The following RABGAP1L variants were observed in gnomAD, a reference collection of about 807,000 sequenced individuals.
RABGAP1L encodes the protein rab GTPase-activating protein 1-like.
Under a neutral mutation model 137.7 loss-of-function variants are expected in RABGAP1L, and 63 were observed. The ratio of observed to expected loss-of-function variants is 0.46; its 90% CI spans 0.37 to 0.56. The LOEUF (loss-of-function observed/expected upper bound fraction) is 0.56. RABGAP1L is among the 20% of genes least tolerant of loss of function. RABGAP1L has a pLI of 0.00. For missense variants in RABGAP1L, 1,095 were observed against 1,244.0 expected, an observed-to-expected ratio of 0.88 and a Z score of 1.80; for synonymous variants, 431 against 433.7, an observed-to-expected ratio of 0.99 and a Z score of 0.08.
intron 10 of RABGAP1L, among the ~76,000 whole-genome samples, chr1:174,288,840 T>C (rs560338352): frequency 1.3e-5 from 2 of 152,292 alleles, no homozygotes; most frequent in South Asian, 2.1e-4. Flanking sequence ...GGAATGCTTA[T>C]GTTGTTTTGC....
chr1:174,547,777 C>T (rs1666138193), intron 13 of RABGAP1L: 5 of 1,344,542 alleles, frequency 3.7e-6, no homozygotes, highest in Non-Finnish European at 5.1e-6. Context: ...ACGTTAGATG[C>T]ATCAGTTTAT....
At chr1:174,789,518 TATA>T (rs1208765940) in intron 18 of RABGAP1L, among the ~76,000 whole-genome samples, 1 of 152,160 alleles carries the variant, frequency 6.6e-6, no homozygotes, top group Admixed American at 6.5e-5. Flanking sequence ...CATAAGAATG[TATA>T]ATAACTGAGA....
chr1:174,629,233 A>G (rs1673141525), intron 13 of RABGAP1L, among the ~76,000 whole-genome samples: 1 of 152,216 alleles, frequency 6.6e-6, no homozygotes, highest in African/African-American at 2.4e-5. Context: ...GTTATGGGTA[A>G]TTGGAAGGTG....
chr1:174,507,978 G>C (rs1661986218), intron 13 of RABGAP1L, among the ~76,000 whole-genome samples: 1 of 152,038 alleles, frequency 6.6e-6, no homozygotes, highest in South Asian at 2.1e-4. Flanking sequence ...TAATATGAAT[G>C]GATTTTCACT....
At chr1:174,387,614 G>T (rs1175062736) in intron 12 of RABGAP1L, among the ~76,000 whole-genome samples, 1 of 151,640 alleles carries the variant, frequency 6.6e-6, no homozygotes, top group African/African-American at 2.4e-5. Context: ...AAATTGGGAA[G>T]TAATTGCATG....
chr1:174,204,929 TTC>T (rs1668402259), intron 1 of RABGAP1L, among the ~76,000 whole-genome samples: 1 of 152,212 alleles, frequency 6.6e-6, no homozygotes, highest in African/African-American at 2.4e-5. Context: ...CAGCCATGCT[TTC>T]TGTACAGCCT....
At chr1:174,674,509 C>T (rs898371944) in intron 14 of RABGAP1L, among the ~76,000 whole-genome samples, 1 of 150,978 alleles carries the variant, frequency 6.6e-6, no homozygotes, top group African/African-American at 2.4e-5. Context: ...TGGGTTGGTT[C>T]CAAGTCTTTG....
intron 13 of RABGAP1L, among the ~76,000 whole-genome samples, chr1:174,484,438 T>G (rs1558273067): frequency 6.6e-6 from 1 of 152,224 alleles, no homozygotes; most frequent in Non-Finnish European, 1.5e-5. Context: ...TTTGCTTTGG[T>G]TGCCTGTGCT....
At chr1:174,829,290 T>C (rs1691873893) in intron 19 of RABGAP1L, among the ~76,000 whole-genome samples, 4 of 148,586 alleles carry the variant, frequency 2.7e-5, no homozygotes, top group Admixed American at 2.7e-4. Flanking sequence ...AATCCTCAAA[T>C]GTTACACTGA....
At chr1:174,231,383 C>T (rs760069221) in intron 4 of RABGAP1L, 28 bp downstream of exon 4, 1 of 1,586,848 alleles carries the variant, frequency 6.3e-7, no homozygotes, top group East Asian at 2.2e-5. Flanking sequence ...TTTCTTTAGA[C>T]ACATATTAAG....
chr1:174,927,193 T>C (rs926782777), intron 19 of RABGAP1L, among the ~76,000 whole-genome samples: 8 of 152,182 alleles, frequency 5.3e-5, no homozygotes, highest in African/African-American at 1.9e-4. Flanking sequence ...TTCAGATTGA[T>C]CATTTATGTT....
chr1:174,289,635 G>A (rs1676393609), intron 10 of RABGAP1L, among the ~76,000 whole-genome samples: 1 of 152,162 alleles, frequency 6.6e-6, no homozygotes, highest in South Asian at 2.1e-4. Context: ...CTTTGGCAAG[G>A]AAAGATCTTT....
At chr1:174,453,998 C>T (rs1427999775) in intron 13 of RABGAP1L, among the ~76,000 whole-genome samples, 1 of 152,124 alleles carries the variant, frequency 6.6e-6, no homozygotes, top group Admixed American at 6.6e-5. Context: ...GGCGCGGTGG[C>T]TCACACCCGT....
chr1:174,422,060 C>T (rs572007037), intron 13 of RABGAP1L, among the ~76,000 whole-genome samples: 11 of 152,242 alleles, frequency 7.2e-5, no homozygotes, highest in Non-Finnish European at 1.3e-4. Context: ...TGAGCCAACA[C>T]GCCCAGCCTC....
chr1:174,454,035 C>T (rs372064815), intron 13 of RABGAP1L, among the ~76,000 whole-genome samples: 2 of 152,026 alleles, frequency 1.3e-5, no homozygotes, highest in Non-Finnish European at 2.9e-5. Flanking sequence ...GAGGCCGAGG[C>T]GGGCAGATCA....
chr1:174,191,303 C>T (rs945270084), intron 1 of RABGAP1L, among the ~76,000 whole-genome samples: 1 of 152,084 alleles, frequency 6.6e-6, no homozygotes, highest in Non-Finnish European at 1.5e-5. Flanking sequence ...AAAATCATTT[C>T]CTGTTTGTCT....
chr1:174,918,277 A>G (rs1044273681), intron 19 of RABGAP1L, among the ~76,000 whole-genome samples: 1 of 152,160 alleles, frequency 6.6e-6, no homozygotes, highest in Admixed American at 6.5e-5. Context: ...TTTAGTTTCT[A>G]CAGTCTCCTT....
At chr1:174,162,647 A>T (rs1157139896) in intron 1 of RABGAP1L, among the ~76,000 whole-genome samples, 2 of 151,866 alleles carry the variant, frequency 1.3e-5, no homozygotes, top group Non-Finnish European at 2.9e-5. Context: ...TTATGTCTTA[A>T]TTTTAATGAG....
intron 1 of RABGAP1L, among the ~76,000 whole-genome samples, chr1:174,169,046 TTC>T (rs1665136776): frequency 6.6e-6 from 1 of 152,128 alleles, no homozygotes. Context: ...GACTTTCTGT[TTC>T]TGAGTTATTT....
Sources: allele counts gnomAD v4.1 joint callset (sites outside exome capture counted in the v4.1 genomes callset), GRCh38; gene constraint gnomAD v4.1.1; transcripts MANE v1.5; gene names NCBI Gene and HGNC (gene_info 2026-07-23, HGNC 2026-07-21).